The following ARFIP1 variants were observed in gnomAD, a reference collection of about 807,000 sequenced individuals.
ARFIP1 encodes ARF interacting protein 1.
Under a neutral mutation model 42.5 loss-of-function variants are expected in ARFIP1, and 24 were observed. The ratio of observed to expected loss-of-function variants is 0.57; its 90% CI spans 0.41 to 0.80. The LOEUF (loss-of-function observed/expected upper bound fraction) is 0.80, where lower values mean the gene tolerates loss of function less well. Among genes scored for constraint, ARFIP1 ranks in the 30% least tolerant of loss-of-function variants. The pLI is 0.00. For synonymous variants in ARFIP1, 141 were observed against 153.7 expected, an observed-to-expected ratio of 0.92 and a Z score of 0.61; for missense variants, 354 against 434.0, an observed-to-expected ratio of 0.82 and a Z score of 1.64.
chr4:152,889,498 CATATATATATAT>C (rs71595203), intron 8 of ARFIP1, among the ~76,000 whole-genome samples: 1,194 of 42,784 alleles, frequency 0.028, 48 homozygotes, highest in African/African-American at 0.075. Context: ...TCATTTTAGT[CATATATATATAT>C]ATATATATAT....
intron 8 of ARFIP1, among the ~76,000 whole-genome samples, chr4:152,906,889 G>T (rs1251830782): frequency 6.6e-6 from 1 of 152,116 alleles, no homozygotes; most frequent in Non-Finnish European, 1.5e-5. Flanking sequence ...TATTTCCTCT[G>T]TGTGGAATGT....
chr4:152,860,548 G>A (rs1176524644), intron 2 of ARFIP1, among the ~76,000 whole-genome samples: 1 of 152,090 alleles, frequency 6.6e-6, no homozygotes, highest in Non-Finnish European at 1.5e-5. Context: ...TGAACCTACC[G>A]TAATATAAAT....
In ARFIP1 at chr4:152,872,581, T is replaced by C. The variant is rs1242776434; in HGVS notation, c.411+17T>C. On this transcript the variant is annotated intron_variant, in intron 5 of 8. Transcript: ENST00000353617. ...ACCTATAAGGTTTGTAATTATTTAA[T>C]GTTTCCACCCTAAATGGCTCTAAAA... The C allele has an allele frequency of 6.8e-7, 1 of 1,460,838 alleles. No individual in the cohort carries two copies. Among genetic ancestry groups the C allele is most frequent in the Non-Finnish European group, 9.4e-7 (1 of 1,065,990 alleles). 90.5% of individuals were successfully genotyped at this position (1,460,838 alleles called of 1,614,324 possible).
At chr4:152,818,334 C>G (rs1466989182) in intron 1 of ARFIP1, among the ~76,000 whole-genome samples, 1 of 152,162 alleles carries the variant, frequency 6.6e-6, no homozygotes, top group Non-Finnish European at 1.5e-5. Flanking sequence ...CTGGGGAACC[C>G]AGTAATCCAG....
At position 152,872,443 on chromosome 4, in the gene ARFIP1, A is replaced by G. The variant is rs1274886774; in HGVS notation, c.299-9A>G. The G allele has an allele frequency of 3.2e-6, 5 of 1,558,054 alleles. No homozygotes were observed. Among genetic ancestry groups the G allele is most frequent in the Admixed American group, 1.7e-5 (1 of 58,460 alleles). ...CTGGATTGTGTTTTTATCTTTTGTT[A>G]TCTTGCAGGTGGCCAGAGAACACAG... On this transcript the variant is annotated splice_polypyrimidine_tract_variant and intron_variant, in intron 4 of 8. Transcript: ENST00000353617.
intron 2 of ARFIP1, among the ~76,000 whole-genome samples, chr4:152,860,524 C>T (rs1444151687): frequency 6.6e-6 from 1 of 152,170 alleles, no homozygotes; most frequent in Non-Finnish European, 1.5e-5. Flanking sequence ...ACAAAAGAGT[C>T]ACAGAGATTA....
In ARFIP1 at chr4:152,870,195, T is replaced by C. The variant is rs1466173856; in HGVS notation, c.203-558T>C. Reference sequence around the variant, plus strand: ...GGTGAATTGAAGAAGGTCCTCTATGTCCACATTATGAATAGCAATGAGACA... The same window carrying C: ...GGTGAATTGAAGAAGGTCCTCTATGCCCACATTATGAATAGCAATGAGACA... On this transcript the variant is annotated intron_variant, in intron 3 of 8. Coordinates refer to ENST00000353617, the MANE Select transcript of ARFIP1 (RefSeq NM_001025595.3). Among the ~76,000 whole-genome samples, 4 of 152,236 alleles carry C rather than the reference T, an allele frequency of 2.6e-5. No homozygotes were observed. The South Asian group carries it at 8.3e-4, about 31-fold the overall frequency.
At chr4:152,825,344 T>A (rs1314723584) in intron 1 of ARFIP1, among the ~76,000 whole-genome samples, 9 of 152,100 alleles carry the variant, frequency 5.9e-5, no homozygotes, top group Admixed American at 5.9e-4. Context: ...GGTACTGGCA[T>A]AAAAGTAGGT....
chr4:152,816,431 C>T (rs1352959833), intron 1 of ARFIP1, among the ~76,000 whole-genome samples: 1 of 152,204 alleles, frequency 6.6e-6, no homozygotes, highest in Non-Finnish European at 1.5e-5. Context: ...CCTCCTGATA[C>T]TTGTACTTAC....
At chr4:152,861,890 C>G (rs928311247) in intron 2 of ARFIP1, among the ~76,000 whole-genome samples, 5 of 152,064 alleles carry the variant, frequency 3.3e-5, no homozygotes, top group African/African-American at 1.2e-4. Flanking sequence ...TCTGTCTGTT[C>G]TTTTGGTCAC....
intron 2 of ARFIP1, 37 bp downstream of exon 2, chr4:152,829,763 ATGG>A: frequency 6.8e-7 from 1 of 1,480,090 alleles, no homozygotes; most frequent in Non-Finnish European, 9.2e-7. Context: ...GCAAAGAATC[ATGG>A]TAAGTCTTTA....
chr4:152,815,358 A>C (rs1729783071), intron 1 of ARFIP1, among the ~76,000 whole-genome samples: 1 of 152,116 alleles, frequency 6.6e-6, no homozygotes, highest in African/African-American at 2.4e-5. Context: ...TCATAGAAAA[A>C]AGTTGTTGAC....
intron 3 of ARFIP1, 75 bp downstream of exon 3, chr4:152,863,789 T>C: frequency 1.1e-6 from 1 of 913,954 alleles, no homozygotes; most frequent in Non-Finnish European, 1.7e-6. Context: ...CCTTTATTAA[T>C]AAAGCACAAG....
chr4:152,787,705 T>C (rs1488232293), intron 1 of ARFIP1, among the ~76,000 whole-genome samples: 7 of 152,232 alleles, frequency 4.6e-5, no homozygotes, highest in African/African-American at 1.7e-4. Flanking sequence ...AAAAGTATTA[T>C]ATAAAATTAC....
Position 152,890,147 on chromosome 4 carries a change from CAT to C in ARFIP1, c.966+1842_966+1843del, listed in dbSNP as rs749004237. Among the ~76,000 whole-genome samples, 6 of 151,808 alleles carry C rather than the reference CAT, an allele frequency of 4.0e-5. No homozygotes were observed. The East Asian group carries it at 9.7e-4, about 24-fold the overall frequency. On this transcript the variant is annotated intron_variant, in intron 8 of 8. Transcript: ENST00000353617. ...CGTGTTTGATAGAAAAGTAGACTAA[CAT>C]AGTGAAACATAAGGTTCATGTGATT...
chr4:152,785,532 G>T (rs1393215382), intron 1 of ARFIP1, among the ~76,000 whole-genome samples: 1 of 152,144 alleles, frequency 6.6e-6, no homozygotes, highest in Non-Finnish European at 1.5e-5. Flanking sequence ...TGAACTCCTG[G>T]GCTCAAGCGA....
At chr4:152,875,841 A>AG (rs1482611632) in intron 5 of ARFIP1, among the ~76,000 whole-genome samples, 2 of 151,950 alleles carry the variant, frequency 1.3e-5, no homozygotes, top group Admixed American at 6.6e-5. Context: ...GAGGGACCTA[A>AG]GGGGAGGTAA....
intron 1 of ARFIP1, among the ~76,000 whole-genome samples, chr4:152,792,451 A>T (rs1279678495): frequency 6.6e-6 from 1 of 152,176 alleles, no homozygotes; most frequent in African/African-American, 2.4e-5. Context: ...TGCCATGTTT[A>T]TCTTGTCTGC....
At chr4:152,896,431 G>T (rs973460051) in intron 8 of ARFIP1, among the ~76,000 whole-genome samples, 2 of 152,050 alleles carry the variant, frequency 1.3e-5, no homozygotes, top group Non-Finnish European at 2.9e-5. Flanking sequence ...AAAAAAATGA[G>T]AATGCTAATG....
Sources: allele counts gnomAD v4.1 joint callset (sites outside exome capture counted in the v4.1 genomes callset), GRCh38; gene constraint gnomAD v4.1.1; transcripts MANE v1.5; gene names NCBI Gene and HGNC (gene_info 2026-07-23, HGNC 2026-07-21).